The following PMM2 variants were observed in gnomAD, a reference collection of about 807,000 sequenced individuals.
The protein encoded by PMM2 is phosphomannomutase 2, also known as mannose-6-phosphate isomerase.
Under a neutral mutation model 33.2 loss-of-function variants are expected in PMM2, and 35 were observed. The ratio of observed to expected loss-of-function variants is 1.06; its 90% confidence interval spans 0.81 to 1.40. The LOEUF (loss-of-function observed/expected upper bound fraction) is 1.40. Among genes scored for constraint, PMM2 ranks in the 40% most tolerant of loss-of-function variants. PMM2 has a pLI of 0.00. For missense variants in PMM2, 386 were observed against 306.0 expected (o/e 1.26, Z -1.95); for synonymous variants, 153 against 114.7 (o/e 1.33, Z -2.13).
chr16:8,843,026 G>T lies in PMM2; in HGVS notation c.640-4698G>T, dbSNP rs144238741. On this transcript the variant is annotated intron_variant, in intron 7 of 7. Coordinates refer to ENST00000268261, the MANE Select transcript of PMM2 (RefSeq NM_000303.3). ...GAGATGCGGCTGTAGTCCAGGAATA[G>T]TCAGGGAAGCAGATAATTTGCTTAA... 9.3e-3 allele frequency among the ~76,000 whole-genome samples: 1,419 copies of T among 152,288 alleles called. 36 individuals carry two copies. Among genetic ancestry groups the T allele is most frequent in the African/African-American group, 0.032 (1,341 of 41,536 alleles).
rs1384856211 is a variant in PMM2, at chr16:8,848,039, G to A, written c.*214G>A. ...CTTGTCAAGAATGGCCCAGAGGAATGCCTCGCACAAAAGGTCTTCCCCACC... is the reference window on the plus strand; with the variant it reads ...CTTGTCAAGAATGGCCCAGAGGAATACCTCGCACAAAAGGTCTTCCCCACC... On this transcript the variant is annotated 3_prime_UTR_variant, in exon 8 of 8. Transcript: ENST00000268261. 1 of 566,752 alleles carries A rather than the reference G, an allele frequency of 1.8e-6. No homozygotes were observed. The highest frequency in any genetic ancestry group is 3.0e-5 in the East Asian group (1 of 33,028). 35.1% of individuals were successfully genotyped at this position (566,752 alleles called of 1,614,324 possible). A position where few individuals can be genotyped will look rare whatever the true frequency, so the allele number is the denominator to read the frequency against.
intron 7 of PMM2, among the ~76,000 whole-genome samples, chr16:8,822,190 G>A (rs567641721): frequency 6.6e-6 from 1 of 152,170 alleles, no homozygotes; most frequent in African/African-American, 2.4e-5. Context: ...GAAATCATAG[G>A]GGGTGGAAGT....
intron 7 of PMM2, among the ~76,000 whole-genome samples, chr16:8,831,888 A>G (rs2141037917): frequency 6.6e-6 from 1 of 152,176 alleles, no homozygotes; most frequent in South Asian, 2.1e-4. Flanking sequence ...GGTACACTAT[A>G]ATGAGAAATT....
intron 7 of PMM2, among the ~76,000 whole-genome samples, chr16:8,836,893 C>T (rs570752002): frequency 2.0e-5 from 3 of 152,084 alleles, no homozygotes; most frequent in African/African-American, 7.2e-5. Flanking sequence ...TTGACTATGC[C>T]TTTAGCTCCA....
rs534462428 is a variant in PMM2, at chr16:8,842,725, A to G, written c.640-4999A>G. Among the ~76,000 whole-genome samples, 217 of 152,362 alleles carry G rather than the reference A, an allele frequency of 1.4e-3. 1 individual carries two copies. The highest frequency in any genetic ancestry group is 4.2e-3 in the African/African-American group (176 of 41,574). On this transcript the variant is annotated intron_variant, in intron 7 of 7. Transcript: ENST00000268261. ...TGTAAGACTTGTCCGGTTTCTGGACAGGTAAAATGGGGGGATTATAAGAAG... is the reference window on the plus strand; with the variant it reads ...TGTAAGACTTGTCCGGTTTCTGGACGGGTAAAATGGGGGGATTATAAGAAG...
rs527552445 is a variant in PMM2 at position 8,833,712 on chromosome 16, C to T, written c.640-14012C>T. Among the ~76,000 whole-genome samples, 8 of 151,106 alleles carry T rather than the reference C, an allele frequency of 5.3e-5. No individual in the cohort carries two copies. The South Asian group carries it at 1.1e-3, about 20-fold the overall frequency. ...TGTCGTATAGAATGATTGGTGATGG[C>T]CTGGATACGGTTTTGGATGAATTCA... On this transcript the variant is annotated intron_variant, in intron 7 of 7. Transcript: ENST00000268261.
chr16:8,822,631 C>T (rs979828485), intron 7 of PMM2, among the ~76,000 whole-genome samples: 4 of 152,118 alleles, frequency 2.6e-5, no homozygotes, highest in African/African-American at 9.7e-5. Context: ...TCAGTTCCTC[C>T]TGTTGGGTTT....
chr16:8,844,454 T>G (rs2060911151), intron 7 of PMM2, among the ~76,000 whole-genome samples: 1 of 152,058 alleles, frequency 6.6e-6, no homozygotes, highest in Non-Finnish European at 1.5e-5. Context: ...AAAGCGGGAC[T>G]TGCCGCTAAG....
chr16:8,816,719 C>T (rs1289913316), intron 7 of PMM2, among the ~76,000 whole-genome samples: 1 of 151,994 alleles, frequency 6.6e-6, no homozygotes, highest in African/African-American at 2.4e-5. Context: ...CCAGCCTGGG[C>T]AACAAGAGCG....
chr16:8,832,095 TG>T (rs1322864955), intron 7 of PMM2: 1 of 969,230 alleles, frequency 1.0e-6, no homozygotes, highest in Non-Finnish European at 1.2e-6. Context: ...TCATTTCATT[TG>T]GGGTCCGCTT....
intron 7 of PMM2, among the ~76,000 whole-genome samples, chr16:8,835,864 G>A (rs145386925): frequency 0.025 from 3,873 of 151,934 alleles, 175 homozygotes; most frequent in African/African-American, 0.089. Flanking sequence ...TTATACTTGT[G>A]GGTTAAGGTT....
chr16:8,831,836 C>T (rs960717170), intron 7 of PMM2, among the ~76,000 whole-genome samples: 1 of 152,102 alleles, frequency 6.6e-6, no homozygotes, highest in Non-Finnish European at 1.5e-5. Context: ...AATATTAATG[C>T]GCGGATTTCA....
intron 4 of PMM2, chr16:8,810,828 C>T: frequency 1.9e-6 from 1 of 537,468 alleles, no homozygotes; most frequent in Admixed American, 3.1e-5. Flanking sequence ...CAATATACAA[C>T]ATGATTGATG....
In PMM2 at chr16:8,797,859, A is replaced by G. The variant is rs2060587981; in HGVS notation, c.-24A>G. On this transcript the variant is annotated 5_prime_UTR_variant, in exon 1 of 8. Transcript: ENST00000268261. ...AGTTCCTCGTGCCAACGTGTCTTGT[A>G]AGGTGCGGCTAGAAACTGGGGACAT... The G allele has an allele frequency of 6.2e-7, 1 of 1,609,178 alleles. No homozygotes were observed. Among genetic ancestry groups the G allele is most frequent in the African/African-American group, 1.3e-5 (1 of 74,838 alleles).
chr16:8,829,018 C>T lies in PMM2; in HGVS notation c.639+15912C>T, dbSNP rs543324957. Among the ~76,000 whole-genome samples the T allele has an allele frequency of 3.9e-5, 6 of 152,200 alleles. No homozygotes were observed. In the South Asian group the frequency reaches 1.2e-3, roughly 32 times the overall value. ...TTTGAGATGGAGTCTCACTCTATTG[C>T]CCAGGCTGGAGTGCAGTGGTGCGAT... On this transcript the variant is annotated intron_variant, in intron 7 of 7. Coordinates refer to ENST00000268261, the MANE Select transcript of PMM2 (RefSeq NM_000303.3).
intron 7 of PMM2, among the ~76,000 whole-genome samples, chr16:8,844,863 T>TAA (rs2060914707): frequency 6.6e-6 from 1 of 151,810 alleles, no homozygotes; most frequent in Admixed American, 6.6e-5. Flanking sequence ...GAGAAGAGAG[T>TAA]AAAAAGAGGC....
Position 8,797,855 on chromosome 16 carries a change from TTGTA to T in PMM2, c.-27_-24del, listed in dbSNP as rs1349009743. 36 of 1,608,374 alleles carry T rather than the reference TTGTA, an allele frequency of 2.2e-5. No homozygotes were observed. Among genetic ancestry groups the T allele is most frequent in the Non-Finnish European group, 3.0e-5 (35 of 1,177,734 alleles). ...GCCGAGTTCCTCGTGCCAACGTGTC[TTGTA>T]AGGTGCGGCTAGAAACTGGGGACAT... On this transcript the variant is annotated 5_prime_UTR_variant, in exon 1 of 8. Coordinates refer to ENST00000268261, the MANE Select transcript of PMM2 (RefSeq NM_000303.3).
intron 7 of PMM2, among the ~76,000 whole-genome samples, chr16:8,816,058 C>T (rs1596491434): frequency 6.6e-6 from 1 of 151,998 alleles, no homozygotes; most frequent in East Asian, 1.9e-4. Context: ...AAAGGCTCAA[C>T]ATCAGTGTTC....
chr16:8,804,619 T>C, intron 2 of PMM2, 148 bp from the exon 3 acceptor site: 1 of 667,686 alleles, frequency 1.5e-6, no homozygotes, highest in South Asian at 1.7e-5. Context: ...CTTTTTTCCA[T>C]ACTCTTCTCT....
Sources: gnomAD v4.1 joint callset for allele counts (sites outside exome capture counted in the v4.1 genomes callset) on GRCh38, gnomAD v4.1.1 for gene constraint, MANE v1.5 for transcripts, NCBI Gene and HGNC (gene_info 2026-07-23, HGNC 2026-07-21) for gene names.